Variants in RIPPLY2 observed in about 807,000 individuals in gnomAD.
RIPPLY2 encodes ripply transcriptional repressor 2, also known as protein ripply2.
Under a neutral mutation model 17.7 loss-of-function variants are expected in RIPPLY2, and 20 were observed. The ratio of observed to expected loss-of-function variants is 1.13; its 90% CI spans 0.79 to 1.64. RIPPLY2 has a LOEUF of 1.64. Ranked by LOEUF, RIPPLY2 falls within the 40% of genes most tolerant of loss-of-function variation. The pLI, the probability that RIPPLY2 is intolerant of heterozygous loss-of-function variation, is 0.00. For synonymous variants in RIPPLY2, 69 were observed against 63.9 expected, an observed-to-expected ratio of 1.08 and a Z score of -0.38; for missense variants, 213 against 169.8, an observed-to-expected ratio of 1.25 and a Z score of -1.41.
In RIPPLY2 at chr6:83,853,773, G is replaced by T; in HGVS notation, c.174G>T (p.Ala58=). ...EEETPNHAAE[A]MPDGPGMTAA... ...AGACGCCGAACCACGCCGCGGAGGCGGTGAGTGAGCCACGCGTCTCAGGCC... is the reference window on the plus strand; with the variant it reads ...AGACGCCGAACCACGCCGCGGAGGCTGTGAGTGAGCCACGCGTCTCAGGCC... The change falls in exon 2 of 4, where the codon GCG becomes GCT. Residue 58 remains alanine (A), a splice_region_variant and synonymous_variant. Coordinates refer to ENST00000369689, the MANE Select transcript of RIPPLY2 (RefSeq NM_001009994.3). 6.2e-7 allele frequency: 1 copy of T among 1,611,938 alleles called. No individual in the cohort carries two copies. Among genetic ancestry groups the T allele is most frequent in the African/African-American group, 1.3e-5 (1 of 75,050 alleles).
At chr6:83,853,834 C>G in intron 2 of RIPPLY2, 61 bp downstream of exon 2, 1 of 1,452,428 alleles carries the variant, frequency 6.9e-7, no homozygotes, top group Non-Finnish European at 9.6e-7. Flanking sequence ...GACCAGGGCT[C>G]TCGGGACGCA....
chr6:83,855,437 A>G (rs1234353564), intron 3 of RIPPLY2: 3 of 152,278 alleles, frequency 2.0e-5, no homozygotes, highest in Non-Finnish European at 4.4e-5. Flanking sequence ...TGAATGACAA[A>G]ATAGATTAGG....
rs1159465544 is a variant in RIPPLY2 at position 83,853,729 on chromosome 6, G to C, written c.130G>C (p.Gly44Arg). Residue 44 changes from glycine (G) to arginine (R), a missense_variant, in exon 2 of 4, where the codon GGA (glycine) becomes CGA (arginine). Gly to Arg is a moderately radical substitution (Grantham distance 125). Coordinates refer to ENST00000369689, the MANE Select transcript of RIPPLY2 (RefSeq NM_001009994.3). ...CTTCTGGAGACCCTGGGTGGACGCCGGAGGCAAGAAAGAAGAGGAGACGCC... is the reference window on the plus strand; with the variant it reads ...CTTCTGGAGACCCTGGGTGGACGCCCGAGGCAAGAAAGAAGAGGAGACGCC... ...AGFWRPWVDA[G>R]GKKEEETPNH... 6.2e-7 allele frequency: 1 copy of C among 1,613,616 alleles called. No homozygotes were observed. Among genetic ancestry groups the C allele is most frequent in the Admixed American group, 1.7e-5 (1 of 60,000 alleles).
chr6:83,853,690 C>A lies in RIPPLY2; in HGVS notation c.96-5C>A. 1 of 1,613,420 alleles carries A rather than the reference C, an allele frequency of 6.2e-7. No homozygotes were observed. Among genetic ancestry groups the A allele is most frequent in the Non-Finnish European group, 8.5e-7 (1 of 1,179,746 alleles). ...CTGCGCGCCTTGTGCTCCCCTATCCCGCAGATACGCAGGCTTCTGGAGACC... is the reference window on the plus strand; with the variant it reads ...CTGCGCGCCTTGTGCTCCCCTATCCAGCAGATACGCAGGCTTCTGGAGACC... On this transcript the variant is annotated splice_region_variant and splice_polypyrimidine_tract_variant and intron_variant, in intron 1 of 3. Coordinates refer to ENST00000369689, the MANE Select transcript of RIPPLY2 (RefSeq NM_001009994.3).
upstream of RIPPLY2, chr6:83,853,239 G>C (rs76695116): frequency 0.018 from 10,191 of 575,280 alleles, 208 homozygotes; most frequent in South Asian, 0.058. Flanking sequence ...AGCCCGGTGC[G>C]CCTTCACGCG....
rs908059017 is a variant in RIPPLY2 at position 83,853,509 on chromosome 6, C to G, written c.93C>G (p.Ser31=). The change falls in exon 1 of 4, where the codon TCC becomes TCG. Residue 31 remains serine (S), a splice_region_variant and synonymous_variant. Transcript: ENST00000369689. ...DGPTRRAGAD[S]GYAGFWRPWV... ...CTACGCGGCGCGCGGGCGCGGACTCCGGGTAGGCTTCCCCGCGCTGCTCTG... is the reference window on the plus strand; with the variant it reads ...CTACGCGGCGCGCGGGCGCGGACTCGGGGTAGGCTTCCCCGCGCTGCTCTG... The G allele has an allele frequency of 6.5e-7, 1 of 1,538,122 alleles. No individual in the cohort carries two copies. Among genetic ancestry groups the G allele is most frequent in the Admixed American group, 2.0e-5 (1 of 49,774 alleles).
In RIPPLY2 at chr6:83,854,154, C is replaced by T; in HGVS notation, c.232C>T (p.Pro78Ser). The change falls in exon 3 of 4, where the codon CCA becomes TCA. Residue 78 changes from proline to serine, a missense_variant. Physicochemically the swap from Pro to Ser is moderately conservative, Grantham distance 74. Transcript: ENST00000369689. Reference protein sequence around the residue: ...ASGKLYQFRHPVRLFWPKSKC... With the variant: ...ASGKLYQFRHSVRLFWPKSKC... ...AGGAAAGCTTTACCAATTCAGGCAC[C>T]CAGTCAGGTGAGTGACAGGCCTCGC... 1 of 1,613,954 alleles carries T rather than the reference C, an allele frequency of 6.2e-7. No individual in the cohort carries two copies. The highest frequency in any genetic ancestry group is 8.5e-7 in the Non-Finnish European group (1 of 1,179,898).
In RIPPLY2 at chr6:83,857,493, TAA is replaced by T; in HGVS notation, c.*105_*106del. The T allele has an allele frequency of 1.6e-6, 1 of 608,628 alleles. No individual in the cohort carries two copies. The highest frequency in any genetic ancestry group is 2.4e-6 in the Non-Finnish European group (1 of 422,776). The allele number at this position is 608,628 out of a possible 1,614,324, so 37.7% of individuals were successfully genotyped here. A position where few individuals can be genotyped will look rare whatever the true frequency, so the allele number is the denominator to read the frequency against. On this transcript the variant is annotated 3_prime_UTR_variant, in exon 4 of 4. Coordinates refer to ENST00000369689, the MANE Select transcript of RIPPLY2 (RefSeq NM_001009994.3). ...ACTAATTTATTTGTATATAAATTAT[TAA>T]TAAAATGAAATATTTTGTAATTATT...
rs2298289 is a variant in RIPPLY2, at chr6:83,854,073, G to A, written c.175-24G>A. On this transcript the variant is annotated intron_variant, in intron 2 of 3. Transcript: ENST00000369689. ...TTCTAGAAGGAGGTGGGTGATAACT[G>A]GATTCACTTCCTTTCCTCTCCAGAT... is the stretch of plus-strand genomic sequence containing the variant. 2.5e-4 allele frequency: 408 copies of A among 1,608,414 alleles called. 5 individuals are homozygous for A. The East Asian group carries it at 5.8e-3, about 23-fold the overall frequency.
intron 1 of RIPPLY2, 84 bp from the exon 2 acceptor site, chr6:83,853,611 C>T (rs1165419391): frequency 9.0e-6 from 14 of 1,555,134 alleles, no homozygotes; most frequent in African/African-American, 1.4e-5. Context: ...CCCCACTGCC[C>T]GGTGCCAGCG....
intron 3 of RIPPLY2, chr6:83,856,347 C>T (rs1004063959): frequency 1.3e-5 from 2 of 152,156 alleles, no homozygotes; most frequent in Admixed American, 6.5e-5. Flanking sequence ...GTGGAGCATA[C>T]TGAACATAAT....
Position 83,853,964 on chromosome 6 carries a change from C to T in RIPPLY2, c.175-133C>T, listed in dbSNP as rs2099454604. 5.7e-6 allele frequency: 6 copies of T among 1,057,366 alleles called. No individual in the cohort carries two copies. The South Asian group carries it at 6.9e-5, about 12-fold the overall frequency. The allele number at this position is 1,057,366 out of a possible 1,614,324, so 65.5% of individuals were successfully genotyped here. A position where few individuals can be genotyped will look rare whatever the true frequency, so the allele number is the denominator to read the frequency against. ...CCTCTGGAGCGATGGGCCACAGGCA[C>T]CCAGCCGGGAGCGAGGCTGCTGAGA... On this transcript the variant is annotated intron_variant, in intron 2 of 3. Transcript: ENST00000369689.
chr6:83,854,258 C>G, intron 3 of RIPPLY2, 97 bp downstream of exon 3: 1 of 580,122 alleles, frequency 1.7e-6, no homozygotes, highest in South Asian at 2.3e-5. Flanking sequence ...GTCCTGCAGT[C>G]TCTCTCTCTC....
At chr6:83,853,559 C>G in intron 1 of RIPPLY2, 48 bp downstream of exon 1, 5 of 1,532,558 alleles carry the variant, frequency 3.3e-6, no homozygotes, top group Non-Finnish European at 4.4e-6. Flanking sequence ...CCCCGTCTCT[C>G]CCTCCTGCGC....
chr6:83,854,235 A>G lies in RIPPLY2; in HGVS notation c.239+74A>G, dbSNP rs1402808214. On this transcript the variant is annotated intron_variant, in intron 3 of 3. Coordinates refer to ENST00000369689, the MANE Select transcript of RIPPLY2 (RefSeq NM_001009994.3). Reference sequence around the variant, plus strand: ...AGGAGCCAGGGGCATCGCGCAGCCCAGCTCCGCAGCTGGTCCTGCAGTCTC... The same window carrying G: ...AGGAGCCAGGGGCATCGCGCAGCCCGGCTCCGCAGCTGGTCCTGCAGTCTC... 2.5e-6 allele frequency: 3 copies of G among 1,177,804 alleles called. No individual in the cohort carries two copies. In the African/African-American group the frequency reaches 4.5e-5, roughly 18 times the overall value. The allele number at this position is 1,177,804 out of a possible 1,614,324, so 73.0% of individuals were successfully genotyped here.
intron 3 of RIPPLY2, chr6:83,854,365 T>C (rs571969213): frequency 1.7e-6 from 1 of 593,480 alleles, no homozygotes; most frequent in South Asian, 2.0e-5. Context: ...TGTTGATGAA[T>C]ACATACTCAG....
chr6:83,854,221 G>C lies in RIPPLY2; in HGVS notation c.239+60G>C, dbSNP rs2099454642. The C allele has an allele frequency of 2.2e-6, 3 of 1,349,428 alleles. No individual in the cohort carries two copies. In the South Asian group the frequency reaches 3.5e-5, roughly 16 times the overall value. The allele number at this position is 1,349,428 out of a possible 1,614,324, so 83.6% of individuals were successfully genotyped here. On this transcript the variant is annotated intron_variant, in intron 3 of 3. Coordinates refer to ENST00000369689, the MANE Select transcript of RIPPLY2 (RefSeq NM_001009994.3). ...CTCCAGCCCCAGGGAGGAGCCAGGG[G>C]CATCGCGCAGCCCAGCTCCGCAGCT...
rs61535903 is a variant in RIPPLY2 at position 83,854,256 on chromosome 6, G to GTC, written c.239+111_239+112dup. On this transcript the variant is annotated intron_variant, in intron 3 of 3. Transcript: ENST00000369689. ...GCCCAGCTCCGCAGCTGGTCCTGCA[G>GTC]TCTCTCTCTCTCTCTCTGAAAATCT... 5,025 of 934,118 alleles carry GTC rather than the reference G, an allele frequency of 5.4e-3. 116 individuals carry two copies. In the African/African-American group the frequency reaches 0.067, roughly 12 times the overall value. 57.9% of individuals were successfully genotyped at this position (934,118 alleles called of 1,614,324 possible). A position where few individuals can be genotyped will look rare whatever the true frequency, so the allele number is the denominator to read the frequency against.
At chr6:83,855,990 A>G (rs990745893) in intron 3 of RIPPLY2, 1 of 152,226 alleles carries the variant, frequency 6.6e-6, no homozygotes, top group Non-Finnish European at 1.5e-5. Flanking sequence ...TGCCAGTTCC[A>G]GTTACGCATT....
Sources: allele counts gnomAD v4.1 joint callset, GRCh38; gene constraint gnomAD v4.1.1; transcripts MANE v1.5; gene names NCBI Gene and HGNC (gene_info 2026-07-23, HGNC 2026-07-21).